Variants in AARS2 observed in about 807,000 individuals in gnomAD.
The protein encoded by AARS2 is alanine--tRNA ligase, mitochondrial.
Under a neutral mutation model 119.7 loss-of-function variants are expected in AARS2, and 78 were observed. That is an observed-to-expected ratio of 0.65 (90% CI 0.54 to 0.79). The LOEUF (loss-of-function observed/expected upper bound fraction) is 0.79, where lower values mean the gene tolerates loss of function less well. Among genes scored for constraint, AARS2 ranks in the 30% least tolerant of loss-of-function variants. AARS2 has a pLI of 0.00. For synonymous variants in AARS2, 502 were observed against 526.3 expected, an observed-to-expected ratio of 0.95 and a Z score of 0.63; for missense variants, 1,157 against 1,291.3, an observed-to-expected ratio of 0.90 and a Z score of 1.59.
At position 44,305,019 on chromosome 6, in the gene AARS2, A is replaced by G; in HGVS notation, c.1579+35T>C. The G allele has an allele frequency of 6.2e-7, 1 of 1,614,122 alleles. No individual in the cohort carries two copies. Among genetic ancestry groups the G allele is most frequent in the Non-Finnish European group, 8.5e-7 (1 of 1,179,996 alleles). On this transcript the variant is annotated intron_variant, in intron 11 of 21. Transcript: ENST00000244571. The surrounding 1 kb of genome is among the most constrained non-coding windows in gnomAD (Gnocchi z 4.6). Reference sequence around the variant, plus strand: ...CATTCTTCTTAGTCATGGTCAGGCAAGCTTGTGGCGGCAGGCCTTGGTCCA... The same window carrying G: ...CATTCTTCTTAGTCATGGTCAGGCAGGCTTGTGGCGGCAGGCCTTGGTCCA...
intron 2 of AARS2, among the ~76,000 whole-genome samples, chr6:44,311,822 A>T (rs1041157047): frequency 2.6e-5 from 4 of 152,220 alleles, no homozygotes; most frequent in Admixed American, 2.6e-4. Context: ...AACTCCAGTA[A>T]GCACCTTAGC....
At position 44,304,205 on chromosome 6, in the gene AARS2, C is replaced by G; in HGVS notation, c.1983G>C (p.Gln661His). 1 of 1,613,984 alleles carries G rather than the reference C, an allele frequency of 6.2e-7. No individual in the cohort carries two copies. ...CCTGGGTGGTCACATCCAAGCGCAG[C>G]TGCTCAGGATTGAGATGGGAGCCCT... ...EQQGSHLNPE[Q>H]LRLDVTTQTP... is the part of the protein sequence containing the mutation. Residue 661 changes from glutamine to histidine, a missense_variant, in exon 14 of 22, where the codon CAG becomes CAC. Gln to His is a conservative substitution (Grantham distance 24). Coordinates refer to ENST00000244571, the MANE Select transcript of AARS2 (RefSeq NM_020745.4).
chr6:44,301,186 C>T lies in AARS2; in HGVS notation c.2763G>A (p.Gly921=), dbSNP rs753403706. Residue 921 remains glycine, a synonymous_variant, in exon 21 of 22, where the codon GGG becomes GGA. Transcript: ENST00000244571. ...SVLLLSPQPM[G]KVLCACQVAQ... Reference sequence around the variant, plus strand: ...CCACCTGACAGGCACACAGCACCTTCCCCATGGGCTGGGGGCTGAGTAGGA... The same window carrying T: ...CCACCTGACAGGCACACAGCACCTTTCCCATGGGCTGGGGGCTGAGTAGGA... 8 of 1,613,618 alleles carry T rather than the reference C, an allele frequency of 5.0e-6. No individual in the cohort carries two copies. The highest frequency in any genetic ancestry group is 6.8e-6 in the Non-Finnish European group (8 of 1,179,954).
chr6:44,302,009 T>G (rs1458942310), intron 19 of AARS2, 51 bp downstream of exon 19: 5 of 1,580,604 alleles, frequency 3.2e-6, no homozygotes, highest in Non-Finnish European at 4.3e-6. Flanking sequence ...CTTCTCAGTG[T>G]ATCTGCTGGA....
intron 5 of AARS2, 59 bp downstream of exon 5, chr6:44,310,240 T>C: frequency 6.5e-7 from 1 of 1,540,782 alleles, no homozygotes. Flanking sequence ...TGGAATGCAA[T>C]GGGGCTGAGG....
Position 44,305,605 on chromosome 6 carries a change from G to A in AARS2, c.1434+48C>T. The stretch of plus-strand genomic sequence containing the variant: ...TCCTCCCCCAGGAGCTCAGGGCTGG[G>A]GAAGAGGTGTCCTAACAGAACCCAG... On this transcript the variant is annotated intron_variant, in intron 10 of 21. Transcript: ENST00000244571. The surrounding 1 kb of genome is among the most constrained non-coding windows in gnomAD (Gnocchi z 4.6). 6.2e-7 allele frequency: 1 copy of A among 1,612,366 alleles called. No homozygotes were observed. The highest frequency in any genetic ancestry group is 8.5e-7 in the Non-Finnish European group (1 of 1,179,784).
chr6:44,306,637 C>T (rs1333432693), intron 7 of AARS2, 105 bp from the exon 8 acceptor site: 12 of 1,349,736 alleles, frequency 8.9e-6, no homozygotes, highest in Non-Finnish European at 1.3e-5. Flanking sequence ...GGCTCAGACA[C>T]ATTGAGGGGC....
rs1057358517 is a variant in AARS2 at position 44,312,190 on chromosome 6, T to C, written c.317A>G (p.Gln106Arg). ...GTGTCCTCCAGCTCTCACACATTTC[T>C]GGCTGTTGGCCACACGTCGGAAGCC... Reference protein sequence around the residue: ...MAGFRRVANSQKCVRAGGHHN... With the variant: ...MAGFRRVANSRKCVRAGGHHN... Residue 106 changes from glutamine (Q) to arginine (R), a missense_variant, in exon 2 of 22, where the codon CAG (glutamine) becomes CGG (arginine). Gln to Arg is a conservative substitution (Grantham distance 43, BLOSUM62 1). Transcript: ENST00000244571. 4.3e-6 allele frequency: 7 copies of C among 1,614,244 alleles called. No individual in the cohort carries two copies. The highest frequency in any genetic ancestry group is 5.9e-6 in the Non-Finnish European group (7 of 1,180,022).
Position 44,312,281 on chromosome 6 carries a change from G to A in AARS2, c.244-18C>T, listed in dbSNP as rs755821329. On this transcript the variant is annotated intron_variant, in intron 1 of 21. Transcript: ENST00000244571. ...GGCTTGAACTGGAAGCACATAGAGT[G>A]GGGAGGGGGAGAGGGATATCCAATT... 1.6e-5 allele frequency: 25 copies of A among 1,611,132 alleles called. No homozygotes were observed. The highest frequency in any genetic ancestry group is 3.3e-5 in the Admixed American group (2 of 59,936).
At position 44,313,087 on chromosome 6, in the gene AARS2, C is replaced by T; in HGVS notation, c.237G>A (p.Met79Ile). 3 of 1,613,412 alleles carry T rather than the reference C, an allele frequency of 1.9e-6. No homozygotes were observed. The highest frequency in any genetic ancestry group is 2.5e-6 in the Non-Finnish European group (3 of 1,179,948). ...AGTATGGTTCGGCCCTCACCTGGTTCATGCCCGCATTGACAAAAAGCAAAC... is the reference window on the plus strand; with the variant it reads ...AGTATGGTTCGGCCCTCACCTGGTTTATGCCCGCATTGACAAAAAGCAAAC... ...DPSLLFVNAGMNQFKPIFLGT... is the reference protein window; with the variant it reads ...DPSLLFVNAGINQFKPIFLGT... The change falls in exon 1 of 22, where the codon ATG (methionine) becomes ATA (isoleucine). Residue 79 changes from methionine (M) to isoleucine (I), a missense_variant. By Grantham distance (10) the Met-to-Ile change is conservative (BLOSUM62 1). Transcript: ENST00000244571.
chr6:44,300,470 T>C lies in AARS2; in HGVS notation c.*77A>G. The stretch of plus-strand genomic sequence containing the variant: ...CCAGCCTCTAGTCCTCGCTTCAGCA[T>C]GTGGGAAGGTTCTGCTGGCTCCTTC... On this transcript the variant is annotated 3_prime_UTR_variant, in exon 22 of 22. Coordinates refer to ENST00000244571, the MANE Select transcript of AARS2 (RefSeq NM_020745.4). The C allele has an allele frequency of 6.3e-7, 1 of 1,594,714 alleles. No individual in the cohort carries two copies. The highest frequency in any genetic ancestry group is 8.6e-7 in the Non-Finnish European group (1 of 1,164,048).
Position 44,300,455 on chromosome 6 carries a change from G to C in AARS2, c.*92C>G. ...TCAGCTGCTTGGCCTCCAGCCTCTA[G>C]TCCTCGCTTCAGCATGTGGGAAGGT... On this transcript the variant is annotated 3_prime_UTR_variant, in exon 22 of 22. Coordinates refer to ENST00000244571, the MANE Select transcript of AARS2 (RefSeq NM_020745.4). 1.9e-6 allele frequency: 3 copies of C among 1,574,828 alleles called. No individual in the cohort carries two copies. The highest frequency in any genetic ancestry group is 2.6e-6 in the Non-Finnish European group (3 of 1,147,610).
chr6:44,306,829 T>G, intron 7 of AARS2, 94 bp downstream of exon 7: 1 of 1,217,204 alleles, frequency 8.2e-7, no homozygotes, highest in South Asian at 1.2e-5. Flanking sequence ...TGGGGACCTC[T>G]GGGCACCCAG....
Position 44,302,138 on chromosome 6 carries a change from C to T in AARS2, c.2520G>A (p.Gln840=), listed in dbSNP as rs1360300345. 1 of 1,613,890 alleles carries T rather than the reference C, an allele frequency of 6.2e-7. No homozygotes were observed. The highest frequency in any genetic ancestry group is 2.2e-5 in the East Asian group (1 of 44,890). ...TCACTGTGGCCAGCAGCTCCCGCCG[C>T]TGCCACTGGGGCATCACAGCAGTTT... ...AVETAVMPQW[Q]RRELLATVKM... Residue 840 remains glutamine, a synonymous_variant, in exon 19 of 22, where the codon CAG becomes CAA. Coordinates refer to ENST00000244571, the MANE Select transcript of AARS2 (RefSeq NM_020745.4).
intron 21 of AARS2, 125 bp downstream of exon 21, chr6:44,301,031 A>C: frequency 1.1e-6 from 1 of 912,768 alleles, no homozygotes; most frequent in Non-Finnish European, 1.7e-6. Flanking sequence ...CCTGTCCTGG[A>C]GTATCCTCAT....
rs1472678134 is a variant in AARS2, at chr6:44,312,184, C to T, written c.323G>A (p.Cys108Tyr). Residue 108 changes from cysteine (C) to tyrosine (Y), a missense_variant, in exon 2 of 22, where the codon TGT (cysteine) becomes TAT (tyrosine). By Grantham distance (194) the Cys-to-Tyr change is radical. Transcript: ENST00000244571. ...GTTATGGTGTCCTCCAGCTCTCACACATTTCTGGCTGTTGGCCACACGTCG... is the reference window on the plus strand; with the variant it reads ...GTTATGGTGTCCTCCAGCTCTCACATATTTCTGGCTGTTGGCCACACGTCG... ...GFRRVANSQK[C>Y]VRAGGHHNDL... 5.0e-6 allele frequency: 8 copies of T among 1,614,272 alleles called. No individual in the cohort carries two copies. Among genetic ancestry groups the T allele is most frequent in the South Asian group, 1.1e-5 (1 of 91,088 alleles).
At position 44,306,538 on chromosome 6, in the gene AARS2, G is replaced by A. The variant is rs1269201643; in HGVS notation, c.1150-6C>T. The A allele has an allele frequency of 7.4e-6, 12 of 1,614,026 alleles. No homozygotes were observed. Among genetic ancestry groups the A allele is most frequent in the African/African-American group, 2.7e-5 (2 of 74,916 alleles). On this transcript the variant is annotated splice_polypyrimidine_tract_variant and splice_region_variant and intron_variant, in intron 7 of 21. Transcript: ENST00000244571. ...AGTTCTGGATAAGCATCTCCCTGGG[G>A]GAGGTGGAGAGGGCTGAGGAGGTGT...
intron 7 of AARS2, 102 bp downstream of exon 7, chr6:44,306,821 G>T: frequency 9.1e-7 from 1 of 1,096,462 alleles, no homozygotes; most frequent in Non-Finnish European, 1.4e-6. Context: ...ATTTAGGGTG[G>T]GGACCTCTGG....
In AARS2 at chr6:44,305,219, T is replaced by C. The variant is rs569561044; in HGVS notation, c.1435-21A>G. The C allele has an allele frequency of 6.8e-6, 11 of 1,608,706 alleles. No individual in the cohort carries two copies. In the South Asian group the frequency reaches 1.2e-4, roughly 18 times the overall value. On this transcript the variant is annotated intron_variant, in intron 10 of 21. Transcript: ENST00000244571. This position sits in a 1 kb window ranked among gnomAD's most constrained non-coding sequence, Gnocchi z 4.6. ...CGGTGCTGCAGGGTGGGCATGGGCA[T>C]GGAAGAAGTGCATGGAGAATGAAAG...
Sources: gnomAD v4.1 joint callset for allele counts (sites outside exome capture counted in the v4.1 genomes callset) on GRCh38, gnomAD v4.1.1 for gene constraint, Gnocchi (gnomAD v3.1) non-coding constraint, MANE v1.5 for transcripts, NCBI Gene and HGNC (gene_info 2026-07-23, HGNC 2026-07-21) for gene names.